The following NPAS4 variants were observed in gnomAD, a reference collection of about 807,000 sequenced individuals.
The protein encoded by NPAS4 is neuronal PAS domain protein 4, also known as neuronal PAS domain-containing protein 4.
Under a neutral mutation model 64.0 loss-of-function variants are expected in NPAS4, and 10 were observed. That is an observed-to-expected ratio of 0.16 (90% confidence interval 0.10 to 0.26). The LOEUF (loss-of-function observed/expected upper bound fraction) is 0.26, where lower values mean the gene tolerates loss of function less well. NPAS4 is among the 10% of genes least tolerant of loss of function. The pLI is 1.00. For missense variants in NPAS4, 886 were observed against 992.6 expected, an observed-to-expected ratio of 0.89 and a Z score of 1.44; for synonymous variants, 441 against 411.7, an observed-to-expected ratio of 1.07 and a Z score of -0.86.
chr11:66,420,773 C>G (rs1472024609), upstream of NPAS4, among the ~76,000 whole-genome samples: 5 of 152,234 alleles, frequency 3.3e-5, no homozygotes, highest in African/African-American at 1.2e-4. Flanking sequence ...CCTAACGCAG[C>G]GCCTTCCTCT....
intron 5 of NPAS4, 118 bp from the exon 6 acceptor site, chr11:66,423,460 G>A: frequency 3.2e-6 from 4 of 1,231,836 alleles, no homozygotes; most frequent in South Asian, 1.3e-5. Flanking sequence ...GTTCAGGTGA[G>A]GGTAGTCAGA....
upstream of NPAS4, among the ~76,000 whole-genome samples, chr11:66,419,265 A>G (rs747496189): frequency 6.6e-6 from 1 of 152,196 alleles, no homozygotes; most frequent in Non-Finnish European, 1.5e-5. Flanking sequence ...CACTGACCAC[A>G]GGATGGCCCC....
rs1236686174 is a variant in NPAS4, at chr11:66,422,104, T to C, written c.176-16T>C. On this transcript the variant is annotated splice_polypyrimidine_tract_variant and intron_variant, in intron 1 of 7. Coordinates refer to ENST00000311034, the MANE Select transcript of NPAS4 (RefSeq NM_178864.4). ...CCAGTCTTACTCCTGACGCACTACG[T>C]CTTCTCGCCCTACAGGCACTCCTCT... The C allele has an allele frequency of 6.2e-7, 1 of 1,612,238 alleles. No homozygotes were observed. The highest frequency in any genetic ancestry group is 2.2e-5 in the East Asian group (1 of 44,868).
chr11:66,423,768 C>A, intron 6 of NPAS4, 55 bp downstream of exon 6: 3 of 1,609,918 alleles, frequency 1.9e-6, no homozygotes, highest in East Asian at 4.5e-5. Context: ...GGAGGAGACA[C>A]AAATCAGGGA....
upstream of NPAS4, among the ~76,000 whole-genome samples, chr11:66,420,523 A>G (rs938684294): frequency 3.3e-5 from 5 of 152,232 alleles, no homozygotes; most frequent in African/African-American, 1.2e-4. Context: ...GAGGCCAAGG[A>G]AAGTCCTCCT....
chr11:66,426,146 G>T lies in NPAS4; in HGVS notation c.*157G>T. 28 of 359,430 alleles carry T rather than the reference G, an allele frequency of 7.8e-5. No homozygotes were observed. The highest frequency in any genetic ancestry group is 1.4e-4 in the East Asian group (2 of 14,740). The allele number at this position is 359,430 out of a possible 1,614,324, so 22.3% of individuals were successfully genotyped here. ...CAGGATTTTGGGGGGGGGGAGGTGG[G>T]AGGGCAAGGGAGGGGAGCTTCTTTT... On this transcript the variant is annotated 3_prime_UTR_variant, in exon 8 of 8. Transcript: ENST00000311034.
At chr11:66,412,387 TGCAGC>T in the NPAS4 span, among the ~76,000 whole-genome samples, 3 of 152,340 alleles carry the variant, frequency 2.0e-5, no homozygotes, top group Non-Finnish European at 4.4e-5. Flanking sequence ...TTCTCCAGGC[TGCAGC>T]CTTAGCCTGG....
rs1856776671 is a variant in NPAS4, at chr11:66,423,159, G to A, written c.735G>A (p.Leu245=). 3 of 1,611,604 alleles carry A rather than the reference G, an allele frequency of 1.9e-6. No individual in the cohort carries two copies. Among genetic ancestry groups the A allele is most frequent in the African/African-American group, 1.3e-5 (1 of 74,902 alleles). The change falls in exon 5 of 8, where the codon CTG becomes CTA. Residue 245 remains leucine (L), a synonymous_variant. Coordinates refer to ENST00000311034, the MANE Select transcript of NPAS4 (RefSeq NM_178864.4). The part of the protein sequence containing the change: ...LIYLGFERSE[L]LCKSWYGLLH... ...ACCTGGGCTTTGAGCGCAGTGAACT[G>A]CTTTGTAAATCATGGTATGGACTGC...
chr11:66,422,564 C>T lies in NPAS4; in HGVS notation c.430+11C>T, dbSNP rs200639446. 1 of 1,609,664 alleles carries T rather than the reference C, an allele frequency of 6.2e-7. No individual in the cohort carries two copies. The highest frequency in any genetic ancestry group is 1.1e-5 in the South Asian group (1 of 90,998). On this transcript the variant is annotated intron_variant, in intron 3 of 7. Transcript: ENST00000311034. ...CTGCCCTGGACACTGGTAAGGACTC[C>T]CTTCTCCCTTCCTCGGTCCAATTTC...
At chr11:66,420,997 GGCA>G, upstream of NPAS4, 1 of 577,860 alleles carries the variant, frequency 1.7e-6, no homozygotes, top group Admixed American at 3.0e-5. Flanking sequence ...CCCCACGCCT[GGCA>G]GGAGCTATAT....
At chr11:66,422,012 G>A in intron 1 of NPAS4, 108 bp from the exon 2 acceptor site, 1 of 997,206 alleles carries the variant, frequency 1.0e-6, no homozygotes, top group Non-Finnish European at 1.5e-6. Context: ...GCAGAGGCAG[G>A]TCCATGAGAA....
chr11:66,421,929 G>A (rs1308328496), intron 1 of NPAS4, among the ~76,000 whole-genome samples, 191 bp from the exon 2 acceptor site: 1 of 152,228 alleles, frequency 6.6e-6, no homozygotes, highest in Non-Finnish European at 1.5e-5. Context: ...AGAAGTCGAG[G>A]GCTTGTGGGC....
At chr11:66,421,996 G>A (rs1429902076) in intron 1 of NPAS4, 124 bp from the exon 2 acceptor site, 4 of 811,234 alleles carry the variant, frequency 4.9e-6, no homozygotes, top group Non-Finnish European at 8.0e-6. Context: ...GGGTCAACAG[G>A]TGTTTGCAGA....
chr11:66,423,793 G>A, intron 6 of NPAS4, 42 bp from the exon 7 acceptor site: 6 of 1,602,914 alleles, frequency 3.7e-6, no homozygotes, highest in Non-Finnish European at 5.1e-6. Flanking sequence ...CTCTGGATAT[G>A]GACGTCGGAC....
chr11:66,424,457 C>T lies in NPAS4; in HGVS notation c.1567C>T (p.Leu523=). ...CAGCACAGCCACCTTCCCAGAGCCT[C>T]TGGGCAGCCCTGCCCATGAACAGCT... ...LPSTATFPEP[L]GSPAHEQLTP... is the part of the protein sequence containing the mutation. Residue 523 remains leucine (L), a synonymous_variant, in exon 7 of 8, where the codon CTG becomes TTG. Transcript: ENST00000311034. The T allele has an allele frequency of 2.5e-6, 4 of 1,614,142 alleles. No individual in the cohort carries two copies. The highest frequency in any genetic ancestry group is 1.1e-5 in the South Asian group (1 of 91,078).
Position 66,423,242 on chromosome 11 carries a change from CA to C in NPAS4, c.808+11del. 1.9e-6 allele frequency: 3 copies of C among 1,563,100 alleles called. No homozygotes were observed. The highest frequency in any genetic ancestry group is 2.6e-6 in the Non-Finnish European group (3 of 1,139,648). On this transcript the variant is annotated intron_variant, in intron 5 of 7. Transcript: ENST00000311034. ...CAACACTACCGCCTGTGTGAGTGTC[CA>C]GAGAGGCTGGGGACAAGATAGCAAG... is the stretch of plus-strand genomic sequence containing the variant.
At position 66,426,077 on chromosome 11, in the gene NPAS4, ATTCTGAGGGC is replaced by A; in HGVS notation, c.*89_*98del. The A allele has an allele frequency of 1.3e-6, 1 of 769,490 alleles. No homozygotes were observed. Among genetic ancestry groups the A allele is most frequent in the Non-Finnish European group, 2.1e-6 (1 of 479,334 alleles). 47.7% of individuals were successfully genotyped at this position (769,490 alleles called of 1,614,324 possible). A position where few individuals can be genotyped will look rare whatever the true frequency, so the allele number is the denominator to read the frequency against. On this transcript the variant is annotated 3_prime_UTR_variant, in exon 8 of 8. Coordinates refer to ENST00000311034, the MANE Select transcript of NPAS4 (RefSeq NM_178864.4). ...CCACCCCCCCGGGACTGTTGGGGGG[ATTCTGAGGGC>A]CAGAGGGGGATATATATGATTCCCC...
At chr11:66,418,754 A>T (rs970935007), upstream of NPAS4, among the ~76,000 whole-genome samples, 5 of 152,224 alleles carry the variant, frequency 3.3e-5, no homozygotes, top group Non-Finnish European at 7.4e-5. Context: ...CTCCATATTC[A>T]TTCACAGAGA....
chr11:66,417,654 G>A (rs925526237), upstream of NPAS4, among the ~76,000 whole-genome samples: 5 of 152,070 alleles, frequency 3.3e-5, no homozygotes, highest in African/African-American at 4.8e-5. Flanking sequence ...GTCTGGGGAC[G>A]CATGTACATC....
Sources: allele counts gnomAD v4.1 joint callset (sites outside exome capture counted in the v4.1 genomes callset), GRCh38; gene constraint gnomAD v4.1.1; transcripts MANE v1.5; gene names NCBI Gene and HGNC (gene_info 2026-07-23, HGNC 2026-07-21).